WDR93: variants seen among roughly 807,000 people sequenced by gnomAD.
WDR93 encodes the protein WD repeat-containing protein 93.
In WDR93, 73 loss-of-function variants were observed where a neutral mutation model predicts 82.9. That is an observed-to-expected ratio of 0.88 (90% CI 0.73 to 1.07). WDR93 has a LOEUF of 1.07. Among genes scored for constraint, WDR93 ranks in the 50% least tolerant of loss-of-function variants. The pLI, the probability that WDR93 is intolerant of heterozygous loss-of-function variation, is 0.00. For synonymous variants in WDR93, 283 were observed against 300.1 expected, an observed-to-expected ratio of 0.94 and a Z score of 0.59; for missense variants, 738 against 826.0, an observed-to-expected ratio of 0.89 and a Z score of 1.31.
chr15:89,701,985 C>A lies in WDR93; in HGVS notation c.239C>A (p.Ala80Glu). The change falls in exon 2 of 17, where the codon GCA becomes GAA. Residue 80 changes from alanine to glutamate, a missense_variant. By Grantham distance (107) the Ala-to-Glu change is moderately radical (BLOSUM62 -1). Transcript: ENST00000268130. ...QSWEIIEERN[A>E]LREAESSQIQ... ...TGGGAAATTATTGAAGAGAGAAACG[C>A]ACTGAGGGAAGCTGAGAGCAGCCAG... The A allele has an allele frequency of 6.8e-6, 11 of 1,613,518 alleles. No homozygotes were observed. Among genetic ancestry groups the A allele is most frequent in the Non-Finnish European group, 9.3e-6 (11 of 1,180,020 alleles).
chr15:89,711,511 A>C (rs768073509), intron 4 of WDR93, among the ~76,000 whole-genome samples: 3 of 139,390 alleles, frequency 2.2e-5, no homozygotes, highest in Non-Finnish European at 4.7e-5. Flanking sequence ...AAATTTTTAA[A>C]AATTAGCGAG....
intron 4 of WDR93, 96 bp from the exon 5 acceptor site, chr15:89,711,930 G>C: frequency 1.2e-6 from 1 of 824,922 alleles, no homozygotes; most frequent in African/African-American, 1.8e-5. Flanking sequence ...AGGTTTAAAA[G>C]GATCTCTGTT....
chr15:89,692,176 C>G (rs1242511678), intron 1 of WDR93, among the ~76,000 whole-genome samples: 1 of 152,178 alleles, frequency 6.6e-6, no homozygotes, highest in Non-Finnish European at 1.5e-5. Context: ...CTTTTCAGAT[C>G]GAGGAGTGCT....
chr15:89,701,929 C>T lies in WDR93; in HGVS notation c.183C>T (p.Asn61=). The stretch of plus-strand genomic sequence containing the variant: ...TGCCTCAGCCTTATCGAATGATCAA[C>T]AAGCTGGTGAACCTTCTGTTTGACC... ...DSLPQPYRMI[N]KLVNLLFDQS... The change falls in exon 2 of 17, where the codon AAC becomes AAT. Residue 61 remains asparagine (N), a synonymous_variant. Coordinates refer to ENST00000268130, the MANE Select transcript of WDR93 (RefSeq NM_020212.2). 1 of 1,614,156 alleles carries T rather than the reference C, an allele frequency of 6.2e-7. No homozygotes were observed.
At chr15:89,695,958 A>G (rs377135486) in intron 1 of WDR93, among the ~76,000 whole-genome samples, 2 of 152,008 alleles carry the variant, frequency 1.3e-5, no homozygotes, top group African/African-American at 4.8e-5. Context: ...CTGGAATTAC[A>G]GGCACACACC....
chr15:89,728,489 T>C (rs374283179), intron 9 of WDR93, among the ~76,000 whole-genome samples: 1 of 152,202 alleles, frequency 6.6e-6, no homozygotes, highest in Non-Finnish European at 1.5e-5. Flanking sequence ...TACGTCAAGA[T>C]TCAGTGGTAT....
chr15:89,701,906 C>T lies in WDR93; in HGVS notation c.160C>T (p.Pro54Ser). ...VDPDEELDSL[P>S]QPYRMINKLV... is the part of the protein sequence containing the mutation. Reference sequence around the variant, plus strand: ...TCCAGATGAGGAGCTGGATTCCTTGCCTCAGCCTTATCGAATGATCAACAA... The same window carrying T: ...TCCAGATGAGGAGCTGGATTCCTTGTCTCAGCCTTATCGAATGATCAACAA... Residue 54 changes from proline (P) to serine (S), a missense_variant, in exon 2 of 17, where the codon CCT becomes TCT. Physicochemically the swap from Pro to Ser is moderately conservative, Grantham distance 74. Coordinates refer to ENST00000268130, the MANE Select transcript of WDR93 (RefSeq NM_020212.2). 2 of 1,614,198 alleles carry T rather than the reference C, an allele frequency of 1.2e-6. No individual in the cohort carries two copies. Among genetic ancestry groups the T allele is most frequent in the East Asian group, 2.2e-5 (1 of 44,882 alleles).
Position 89,728,152 on chromosome 15 carries a change from T to A in WDR93, c.1052+824T>A, listed in dbSNP as rs1045463808. On this transcript the variant is annotated intron_variant, in intron 9 of 16. Coordinates refer to ENST00000268130, the MANE Select transcript of WDR93 (RefSeq NM_020212.2). ...ACAAATAAAGTCACCACTACTAAAA[T>A]TTTTCTCCATTTCCTTCCTGCCTTT... is the stretch of plus-strand genomic sequence containing the variant. Among the ~76,000 whole-genome samples the A allele has an allele frequency of 2.0e-5, 3 of 152,228 alleles. No homozygotes were observed. The East Asian group carries it at 5.8e-4, about 29-fold the overall frequency.
At chr15:89,695,417 T>A (rs1965120522) in intron 1 of WDR93, among the ~76,000 whole-genome samples, 1 of 152,202 alleles carries the variant, frequency 6.6e-6, no homozygotes, top group Admixed American at 6.5e-5. Context: ...CACTGCAACC[T>A]TGAACTCCTG....
At chr15:89,702,254 C>G (rs1046608171) in intron 2 of WDR93, among the ~76,000 whole-genome samples, 2 of 152,194 alleles carry the variant, frequency 1.3e-5, no homozygotes, top group Non-Finnish European at 1.5e-5. Context: ...TAATTGAATA[C>G]TATCCCTTTA....
chr15:89,726,822 C>G (rs1172686740), intron 8 of WDR93, among the ~76,000 whole-genome samples: 2 of 152,178 alleles, frequency 1.3e-5, no homozygotes. Flanking sequence ...GGACAGTGAT[C>G]TAAAGTCTCC....
In WDR93 at chr15:89,715,106, T is replaced by C. The variant is rs528361300; in HGVS notation, c.756+11T>C. ...AGACAGCCGCAACTGGTAGGAAATATCTCTGCTTTCAGCTGATATGTTTCT... is the reference window on the plus strand; with the variant it reads ...AGACAGCCGCAACTGGTAGGAAATACCTCTGCTTTCAGCTGATATGTTTCT... On this transcript the variant is annotated intron_variant, in intron 6 of 16. Coordinates refer to ENST00000268130, the MANE Select transcript of WDR93 (RefSeq NM_020212.2). 19 of 1,610,108 alleles carry C rather than the reference T, an allele frequency of 1.2e-5. No individual in the cohort carries two copies. The African/African-American group carries it at 1.6e-4, about 14-fold the overall frequency.
rs752289043 is a variant in WDR93, at chr15:89,712,090, C to G, written c.626C>G (p.Ala209Gly). 8.1e-6 allele frequency: 13 copies of G among 1,612,452 alleles called. No individual in the cohort carries two copies. The highest frequency in any genetic ancestry group is 7.7e-5 in the South Asian group (7 of 90,760). ...MEISQGGDFA[A>G]FLLQGAGDIW... ...ATCTCTCAAGGAGGGGACTTTGCAG[C>G]CTTCCTCCTACAAGGCAAGATTAAC... The change falls in exon 5 of 17, where the codon GCC (alanine) becomes GGC (glycine). Residue 209 changes from alanine to glycine, a missense_variant. By Grantham distance (60) the Ala-to-Gly change is moderately conservative (BLOSUM62 0). Coordinates refer to ENST00000268130, the MANE Select transcript of WDR93 (RefSeq NM_020212.2).
chr15:89,722,907 G>T (rs1392871457), intron 8 of WDR93, among the ~76,000 whole-genome samples: 8 of 152,110 alleles, frequency 5.3e-5, no homozygotes, highest in Non-Finnish European at 1.2e-4. Flanking sequence ...GTGAATAATT[G>T]GTTAAATAAA....
Position 89,743,284 on chromosome 15 carries a change from G to A in WDR93, c.1962-8G>A. The A allele has an allele frequency of 1.2e-6, 2 of 1,614,066 alleles. No individual in the cohort carries two copies. Among genetic ancestry groups the A allele is most frequent in the Non-Finnish European group, 1.7e-6 (2 of 1,179,902 alleles). On this transcript the variant is annotated splice_polypyrimidine_tract_variant and splice_region_variant and intron_variant, in intron 16 of 16. Coordinates refer to ENST00000268130, the MANE Select transcript of WDR93 (RefSeq NM_020212.2). ...AGATTCCTCTCATCACAGTTGTGTG[G>A]CCCTCAGCTATCGGAAGCTGGAGAA...
At position 89,735,656 on chromosome 15, in the gene WDR93, G is replaced by A. The variant is rs944111545; in HGVS notation, c.1608+103G>A. ...AAAATGCTTATTGAAGGCCTGTTAT[G>A]TGTTAGGCACTGGACTAGCTTTCGG... On this transcript the variant is annotated intron_variant, in intron 14 of 16. Coordinates refer to ENST00000268130, the MANE Select transcript of WDR93 (RefSeq NM_020212.2). The A allele has an allele frequency of 5.7e-5, 70 of 1,219,736 alleles. 2 individuals carry two copies. The South Asian group carries it at 8.5e-4, about 15-fold the overall frequency. The allele number at this position is 1,219,736 out of a possible 1,614,324, so 75.6% of individuals were successfully genotyped here.
At chr15:89,706,031 C>A (rs1221211244) in intron 4 of WDR93, among the ~76,000 whole-genome samples, 1 of 152,146 alleles carries the variant, frequency 6.6e-6, no homozygotes, top group Non-Finnish European at 1.5e-5. Flanking sequence ...TTCTTCAAGA[C>A]CAGCTCAAAT....
rs373455766 is a variant in WDR93 at position 89,720,912 on chromosome 15, T to G, written c.796-1143T>G. On this transcript the variant is annotated intron_variant, in intron 7 of 16. Coordinates refer to ENST00000268130, the MANE Select transcript of WDR93 (RefSeq NM_020212.2). ...TTCTGTTTACTTATTCTGTACTTAT[T>G]GAAAAAGGAGTCTCTAAGATTGTAG... Among the ~76,000 whole-genome samples, 702 of 152,186 alleles carry G rather than the reference T, an allele frequency of 4.6e-3. 3 individuals carry two copies. Among genetic ancestry groups the G allele is most frequent in the African/African-American group, 0.016 (661 of 41,520 alleles).
chr15:89,713,776 G>A (rs1035188549), intron 5 of WDR93, among the ~76,000 whole-genome samples: 4 of 152,084 alleles, frequency 2.6e-5, no homozygotes, highest in Admixed American at 2.0e-4. Context: ...CCTGGCGAAG[G>A]ATATGCATTG....
Sources: allele counts gnomAD v4.1 joint callset (sites outside exome capture counted in the v4.1 genomes callset), GRCh38; gene constraint gnomAD v4.1.1; transcripts MANE v1.5; gene names NCBI Gene and HGNC (gene_info 2026-07-23, HGNC 2026-07-21).